Variants in HNRNPD observed in about 807,000 individuals in gnomAD.
HNRNPD encodes the protein heterogeneous nuclear ribonucleoprotein D, also known as heterogeneous nuclear ribonucleoprotein D0.
A neutral mutation model predicts 47.9 loss-of-function variants in HNRNPD; 3 were observed. That is an observed-to-expected ratio of 0.06 (90% confidence interval 0.03 to 0.16). HNRNPD has a LOEUF of 0.16. Among genes scored for constraint, HNRNPD ranks in the 10% least tolerant of loss-of-function variants. The pLI, the probability that HNRNPD is intolerant of heterozygous loss-of-function variation, is 1.00. For missense variants in HNRNPD, 287 were observed against 454.2 expected, an observed-to-expected ratio of 0.63 and a Z score of 3.35; for synonymous variants, 171 against 165.1, an observed-to-expected ratio of 1.04 and a Z score of -0.28.
In HNRNPD at chr4:82,373,622, TACCGCCGCCGTTGCC is replaced by T. The variant is rs1309578692; in HGVS notation, c.42_56del (p.Ala15_Val19del). 1 of 1,526,240 alleles carries T rather than the reference TACCGCCGCCGTTGCC, an allele frequency of 6.6e-7. No individual in the cohort carries two copies. Among genetic ancestry groups the T allele is most frequent in the Non-Finnish European group, 8.8e-7 (1 of 1,142,676 alleles). 94.5% of individuals were successfully genotyped at this position (1,526,240 alleles called of 1,614,324 possible). ...CCTCCTGCTCGCCCGCCGAGCCGCC[TACCGCCGCCGTTGCC>T]GCTGCCGCCGCCCCGTCCCCGCCGA... is the stretch of plus-strand genomic sequence containing the variant. On this transcript the variant is annotated inframe_deletion, in exon 1 of 9. Coordinates refer to ENST00000313899, the MANE Select transcript of HNRNPD (RefSeq NM_031370.3).
chr4:82,370,666 A>G (rs1719997751), intron 2 of HNRNPD, among the ~76,000 whole-genome samples: 1 of 152,180 alleles, frequency 6.6e-6, no homozygotes, highest in Non-Finnish European at 1.5e-5. Context: ...TAGGCTCTTA[A>G]AATAGAATGT....
chr4:82,356,495 T>C, intron 7 of HNRNPD, 42 bp downstream of exon 7: 1 of 1,501,610 alleles, frequency 6.7e-7, no homozygotes, highest in East Asian at 2.3e-5. Context: ...TTGTACAAAA[T>C]AAATGTCAAA....
At chr4:82,365,047 A>G (rs1403197566) in intron 2 of HNRNPD, among the ~76,000 whole-genome samples, 1 of 152,178 alleles carries the variant, frequency 6.6e-6, no homozygotes, top group African/African-American at 2.4e-5. Context: ...TCTATGTTCT[A>G]TAACTTCGTA....
At chr4:82,366,249 T>G (rs1719748619) in intron 2 of HNRNPD, among the ~76,000 whole-genome samples, 1 of 152,020 alleles carries the variant, frequency 6.6e-6, no homozygotes, top group South Asian at 2.1e-4. Flanking sequence ...AACATGACAG[T>G]TTTTTTGGGA....
chr4:82,371,003 C>CACA (rs1553896648), intron 2 of HNRNPD, among the ~76,000 whole-genome samples: 1 of 151,974 alleles, frequency 6.6e-6, no homozygotes, highest in Non-Finnish European at 1.5e-5. Context: ...CACACACACA[C>CACA]ACTTCTTATT....
intron 4 of HNRNPD, chr4:82,357,665 T>C: frequency 2.7e-6 from 1 of 372,274 alleles, no homozygotes; most frequent in South Asian, 7.1e-5. Context: ...AAAATAAGCT[T>C]TACCACGCAC....
intron 1 of HNRNPD, 51 bp downstream of exon 1, chr4:82,373,395 G>T (rs766493152): frequency 5.3e-6 from 8 of 1,521,738 alleles, no homozygotes; most frequent in Non-Finnish European, 7.1e-6. Flanking sequence ...GGAATAAAGA[G>T]GGGGAGGGGG....
At position 82,359,611 on chromosome 4, in the gene HNRNPD, C is replaced by A; in HGVS notation, c.319G>T (p.Asp107Tyr). 1 of 1,582,092 alleles carries A rather than the reference C, an allele frequency of 6.3e-7. No individual in the cohort carries two copies. Among genetic ancestry groups the A allele is most frequent in the Non-Finnish European group, 8.6e-7 (1 of 1,156,312 alleles). ...WKMFIGGLSWDTTKKDLKDYF... is the reference protein window; with the variant it reads ...WKMFIGGLSWYTTKKDLKDYF... ...TCCTTCAGATCTTTCTTTGTAGTGT[C>A]CCAGCTAAGGCCTCCTATAAACATT... The change falls in exon 3 of 9, where the codon GAC becomes TAC. Residue 107 changes from aspartate to tyrosine, a missense_variant. By Grantham distance (160) the Asp-to-Tyr change is radical. Transcript: ENST00000313899.
chr4:82,365,212 C>G (rs2109997649), intron 2 of HNRNPD, among the ~76,000 whole-genome samples: 1 of 152,224 alleles, frequency 6.6e-6, no homozygotes, highest in South Asian at 2.1e-4. Context: ...TTCCTAACAA[C>G]TTATGATCTT....
chr4:82,353,608 AT>A lies in HNRNPD; in HGVS notation c.*576del, dbSNP rs1723598237. On this transcript the variant is annotated 3_prime_UTR_variant, in exon 9 of 9. Transcript: ENST00000313899. ...AATCTTAATGGCTACATAAGGAAGT[AT>A]TATTAAAACAACCAACAAACAAATT... 6.5e-6 allele frequency: 1 copy of A among 152,688 alleles called. No individual in the cohort carries two copies. Among genetic ancestry groups the A allele is most frequent in the Non-Finnish European group, 1.5e-5 (1 of 68,040 alleles). The allele number at this position is 152,688 out of a possible 1,614,324, so 9.5% of individuals were successfully genotyped here.
intron 2 of HNRNPD, among the ~76,000 whole-genome samples, chr4:82,369,514 A>C (rs1719927858): frequency 6.6e-6 from 1 of 152,234 alleles, no homozygotes. Flanking sequence ...TAATCACTTT[A>C]TTCTCAGATT....
chr4:82,369,341 G>C (rs1450079769), intron 2 of HNRNPD, among the ~76,000 whole-genome samples: 2 of 152,178 alleles, frequency 1.3e-5, no homozygotes, highest in Admixed American at 6.5e-5. Context: ...GCATACTATG[G>C]AAATAATTAC....
At chr4:82,370,810 G>T (rs1038285421) in intron 2 of HNRNPD, among the ~76,000 whole-genome samples, 2 of 152,030 alleles carry the variant, frequency 1.3e-5, no homozygotes, top group Non-Finnish European at 2.9e-5. Context: ...GGGAAAGGAT[G>T]GATAAAAAGA....
intron 2 of HNRNPD, among the ~76,000 whole-genome samples, chr4:82,363,290 A>T (rs1048789462): frequency 6.6e-6 from 1 of 151,980 alleles, no homozygotes; most frequent in African/African-American, 2.4e-5. Flanking sequence ...CATATTGGTC[A>T]GGCTGGTCTC....
chr4:82,359,782 A>G, intron 2 of HNRNPD, 143 bp from the exon 3 acceptor site: 1 of 476,930 alleles, frequency 2.1e-6, no homozygotes, highest in Non-Finnish European at 3.6e-6. Flanking sequence ...ACCACACATC[A>G]GGAACATCCT....
intron 2 of HNRNPD, among the ~76,000 whole-genome samples, chr4:82,365,960 C>A (rs1025982919): frequency 6.6e-6 from 1 of 151,704 alleles, no homozygotes; most frequent in African/African-American, 2.4e-5. Flanking sequence ...TAGCCAATAA[C>A]AAATCTTCCC....
chr4:82,373,075 G>GA (rs1201763202), intron 1 of HNRNPD: 3 of 484,034 alleles, frequency 6.2e-6, no homozygotes, highest in Non-Finnish European at 1.2e-5. Flanking sequence ...CAAGACTGTA[G>GA]AAAAAGGGAA....
chr4:82,370,509 C>T (rs1195042238), intron 2 of HNRNPD, among the ~76,000 whole-genome samples: 1 of 148,142 alleles, frequency 6.8e-6, no homozygotes, highest in Non-Finnish European at 1.5e-5. Context: ...TAACATTCAT[C>T]GAAACTGTGA....
intron 5 of HNRNPD, among the ~76,000 whole-genome samples, 171 bp downstream of exon 5, chr4:82,357,142 A>C (rs1263158622): frequency 6.6e-6 from 1 of 152,234 alleles, no homozygotes; most frequent in Non-Finnish European, 1.5e-5. Flanking sequence ...CTAGACAAAA[A>C]CACTAACAAA....
Sources: allele counts gnomAD v4.1 joint callset (sites outside exome capture counted in the v4.1 genomes callset), GRCh38; gene constraint gnomAD v4.1.1; transcripts MANE v1.5; gene names NCBI Gene and HGNC (gene_info 2026-07-23, HGNC 2026-07-21).